CNGB3: variants seen among roughly 807,000 people sequenced by gnomAD.
CNGB3 encodes cyclic nucleotide gated channel subunit beta 3, also known as cyclic nucleotide-gated channel beta-3.
In CNGB3, 86 loss-of-function variants were observed where a neutral mutation model predicts 92.8. The observed-to-expected ratio is 0.93, with a 90% CI of 0.78 to 1.11. The LOEUF is 1.11. Ranked by LOEUF, CNGB3 falls within the 50% of genes least tolerant of loss-of-function variation. CNGB3 has a pLI of 0.00. For missense variants in CNGB3, 1,026 were observed against 956.8 expected, an observed-to-expected ratio of 1.07 and a Z score of -0.95; for synonymous variants, 333 against 332.7, an observed-to-expected ratio of 1.00 and a Z score of -0.01.
intron 6 of CNGB3, 35 bp from the exon 7 acceptor site, chr8:86,654,097 A>C (rs747206304): frequency 7.5e-7 from 1 of 1,330,014 alleles, no homozygotes; most frequent in Non-Finnish European, 1.1e-6. Flanking sequence ...AATTTTAGCC[A>C]ATTTCATCAA....
intron 6 of CNGB3, chr8:86,658,532 C>T (rs1045978641): frequency 2.7e-6 from 1 of 363,680 alleles, no homozygotes; most frequent in Non-Finnish European, 5.2e-6. Flanking sequence ...GGGTCTGCAG[C>T]AGTAACTGCT....
chr8:86,704,444 GA>G (rs60129201), intron 3 of CNGB3: 1 of 152,164 alleles, frequency 6.6e-6, no homozygotes, highest in South Asian at 2.1e-4. Context: ...AGAAAGAGAA[GA>G]AAAATTCATT....
In CNGB3 at chr8:86,655,468, T is replaced by C. The variant is rs550641321; in HGVS notation, c.853-1406A>G. On this transcript the variant is annotated intron_variant, in intron 6 of 17. Transcript: ENST00000320005. Reference sequence around the variant, plus strand: ...TGCGTCAGAGGGATGCCTTTGCCCATGCTGTCCCAGAGCTCAGAACATGTT... The same window carrying C: ...TGCGTCAGAGGGATGCCTTTGCCCACGCTGTCCCAGAGCTCAGAACATGTT... Among the ~76,000 whole-genome samples, 70 of 152,320 alleles carry C rather than the reference T, an allele frequency of 4.6e-4. 1 individual carries two copies. In the South Asian group the frequency reaches 8.1e-3, roughly 18 times the overall value.
rs552362516 is a variant in CNGB3 at position 86,654,644 on chromosome 8, G to C, written c.853-582C>G. Among the ~76,000 whole-genome samples, 9 of 152,236 alleles carry C rather than the reference G, an allele frequency of 5.9e-5. No individual in the cohort carries two copies. The East Asian group carries it at 1.7e-3, about 29-fold the overall frequency. On this transcript the variant is annotated intron_variant, in intron 6 of 17. Coordinates refer to ENST00000320005, the MANE Select transcript of CNGB3 (RefSeq NM_019098.5). ...TATTAACTGAATGAATAAAGAAATG[G>C]AGAGATGAATAAAACCTCTGAAGCA...
intron 6 of CNGB3, chr8:86,658,254 C>G: frequency 1.9e-6 from 1 of 531,318 alleles, no homozygotes; most frequent in Non-Finnish European, 3.5e-6. Flanking sequence ...CTCCTCGGCA[C>G]TGGCCACAGC....
chr8:86,619,143 T>A (rs1459463052), intron 13 of CNGB3, among the ~76,000 whole-genome samples: 1 of 152,212 alleles, frequency 6.6e-6, no homozygotes, highest in African/African-American at 2.4e-5. Flanking sequence ...CCTACTGAAC[T>A]GGGGGCTGTT....
At chr8:86,697,858 T>C (rs944569864) in intron 3 of CNGB3, among the ~76,000 whole-genome samples, 1 of 151,792 alleles carries the variant, frequency 6.6e-6, no homozygotes, top group African/African-American at 2.4e-5. Flanking sequence ...GTTCTCATTG[T>C]TCAGTTCCCA....
chr8:86,592,629 G>A (rs1288830528), intron 15 of CNGB3, among the ~76,000 whole-genome samples: 2 of 152,144 alleles, frequency 1.3e-5, no homozygotes, highest in Non-Finnish European at 2.9e-5. Flanking sequence ...TTTAATAATT[G>A]TAAGAAATGA....
chr8:86,704,912 C>T (rs979187512), intron 3 of CNGB3, among the ~76,000 whole-genome samples: 1 of 152,070 alleles, frequency 6.6e-6, no homozygotes. Flanking sequence ...TCTGTGTCAT[C>T]AAATGACAGA....
At chr8:86,681,282 T>A (rs1407940700) in intron 3 of CNGB3, among the ~76,000 whole-genome samples, 1 of 151,998 alleles carries the variant, frequency 6.6e-6, no homozygotes, top group African/African-American at 2.4e-5. Flanking sequence ...AGAGAAAAAA[T>A]TTGATTATCC....
intron 3 of CNGB3, among the ~76,000 whole-genome samples, chr8:86,724,006 C>T (rs1825017005): frequency 6.6e-6 from 1 of 152,052 alleles, no homozygotes; most frequent in Non-Finnish European, 1.5e-5. Flanking sequence ...TTGAAGAAAA[C>T]AATAGACATC....
At chr8:86,692,645 C>G (rs1824343275) in intron 3 of CNGB3, among the ~76,000 whole-genome samples, 1 of 152,140 alleles carries the variant, frequency 6.6e-6, no homozygotes, top group Non-Finnish European at 1.5e-5. Context: ...CTCTTGAAGA[C>G]AGCAGACACT....
intron 6 of CNGB3, among the ~76,000 whole-genome samples, chr8:86,655,792 A>T (rs1823494620): frequency 6.6e-6 from 1 of 152,226 alleles, no homozygotes; most frequent in African/African-American, 2.4e-5. Context: ...AGATGACTAG[A>T]GTGGCATTTG....
chr8:86,685,601 G>A (rs568204027), intron 3 of CNGB3, among the ~76,000 whole-genome samples: 112 of 152,140 alleles, frequency 7.4e-4, no homozygotes, highest in African/African-American at 2.3e-3. Context: ...AACGATTCTC[G>A]CAAAACTCAG....
intron 3 of CNGB3, among the ~76,000 whole-genome samples, chr8:86,720,233 T>C (rs901736715): frequency 7.2e-5 from 11 of 152,128 alleles, no homozygotes; most frequent in Non-Finnish European, 1.2e-4. Flanking sequence ...GGAGAAAATC[T>C]TCACAATCTA....
rs760287680 is a variant in CNGB3, at chr8:86,667,130, C to T, written c.647G>A (p.Arg216Gln). 22 of 1,613,538 alleles carry T rather than the reference C, an allele frequency of 1.4e-5. No homozygotes were observed. In the Middle Eastern group the frequency reaches 5.0e-4, roughly 36 times the overall value. ...AAGCAAGAGCCACAGGAGATAGAGT[C>T]GATCTGGAAAAACAGCAAGTGGTGA... is the stretch of plus-strand genomic sequence containing the variant. ...LPNSIDSYTD[R>Q]LYLLWLLLVT... The change falls in exon 6 of 18, where the codon CGA becomes CAA. Residue 216 changes from arginine to glutamine, a missense_variant. Transcript: ENST00000320005.
At chr8:86,600,266 A>G (rs2131555592) in intron 15 of CNGB3, among the ~76,000 whole-genome samples, 1 of 152,290 alleles carries the variant, frequency 6.6e-6, no homozygotes, top group East Asian at 1.9e-4. Flanking sequence ...GACACAATTC[A>G]TACATTTAAT....
intron 15 of CNGB3, among the ~76,000 whole-genome samples, chr8:86,582,942 GT>G (rs377620073): frequency 1.1e-4 from 16 of 146,678 alleles, no homozygotes; most frequent in East Asian, 3.9e-4. Context: ...ATTCCTTTTT[GT>G]TTTTTTTTTG....
chr8:86,637,761 G>T (rs1349094769), intron 10 of CNGB3, among the ~76,000 whole-genome samples: 1 of 151,998 alleles, frequency 6.6e-6, no homozygotes, highest in African/African-American at 2.4e-5. Context: ...AAATGCTACT[G>T]ATTTTTGTAT....
Sources: allele counts gnomAD v4.1 joint callset (sites outside exome capture counted in the v4.1 genomes callset), GRCh38; gene constraint gnomAD v4.1.1; transcripts MANE v1.5; gene names NCBI Gene and HGNC (gene_info 2026-07-23, HGNC 2026-07-21).